The following CA10 variants were observed in gnomAD, a reference collection of about 807,000 sequenced individuals.
The protein encoded by CA10 is carbonic anhydrase 10 (inactive).
A neutral mutation model predicts 44.2 loss-of-function variants in CA10; 14 were observed. That is an observed-to-expected ratio of 0.32 (90% CI 0.21 to 0.50). The LOEUF is 0.50. Among genes scored for constraint, CA10 ranks in the 20% least tolerant of loss-of-function variants. The pLI, the probability that CA10 is intolerant of heterozygous loss-of-function variation, is 0.99. For missense variants in CA10, 350 were observed against 409.7 expected (o/e 0.85, Z 1.26); for synonymous variants, 159 against 141.6 (o/e 1.12, Z -0.87).
At chr17:52,154,380 C>T (rs1460282996) in intron 1 of CA10, among the ~76,000 whole-genome samples, 1 of 151,996 alleles carries the variant, frequency 6.6e-6, no homozygotes, top group Non-Finnish European at 1.5e-5. Context: ...TGTGAAAATA[C>T]CACATAATTC....
intron 2 of CA10, among the ~76,000 whole-genome samples, chr17:52,022,325 C>T (rs149214836): frequency 1.3e-5 from 2 of 152,146 alleles, no homozygotes; most frequent in East Asian, 3.9e-4. Flanking sequence ...AAATGTGATT[C>T]ACGACATGAA....
At chr17:51,961,521 G>A (rs567678983) in intron 2 of CA10, among the ~76,000 whole-genome samples, 4 of 152,002 alleles carry the variant, frequency 2.6e-5, no homozygotes, top group African/African-American at 9.7e-5. Flanking sequence ...GAAATCAAAA[G>A]GTGGTTTGTT....
chr17:52,116,211 C>T (rs1006438644), intron 1 of CA10, among the ~76,000 whole-genome samples: 3 of 151,986 alleles, frequency 2.0e-5, no homozygotes, highest in Non-Finnish European at 2.9e-5. Flanking sequence ...CTTCTTTTTT[C>T]ACCCTATCAG....
intron 4 of CA10, among the ~76,000 whole-genome samples, chr17:51,687,370 C>T (rs1915042741): frequency 6.6e-6 from 1 of 152,182 alleles, no homozygotes; most frequent in East Asian, 1.9e-4. Context: ...TTGTTACCTA[C>T]AAGCCCTCAC....
intron 3 of CA10, among the ~76,000 whole-genome samples, chr17:51,752,705 G>A (rs1904930395): frequency 6.6e-6 from 1 of 152,168 alleles, no homozygotes; most frequent in African/African-American, 2.4e-5. Flanking sequence ...GAGGCAGGCG[G>A]ATCACCTGAG....
At chr17:52,029,720 G>A (rs1986408216) in intron 2 of CA10, among the ~76,000 whole-genome samples, 1 of 152,120 alleles carries the variant, frequency 6.6e-6, no homozygotes, top group African/African-American at 2.4e-5. Context: ...GTCACCTTGA[G>A]CTTGACTCTC....
At chr17:51,660,763 C>T (rs910978337) in intron 4 of CA10, among the ~76,000 whole-genome samples, 9 of 152,282 alleles carry the variant, frequency 5.9e-5, no homozygotes, top group African/African-American at 2.2e-4. Context: ...TCAGTGGCTT[C>T]CCCTTGCCTG....
intron 2 of CA10, among the ~76,000 whole-genome samples, chr17:52,059,177 T>C (rs1273920225): frequency 1.3e-5 from 2 of 152,250 alleles, no homozygotes; most frequent in Admixed American, 6.5e-5. Flanking sequence ...AACACTGATA[T>C]TGAGAACATA....
intron 3 of CA10, among the ~76,000 whole-genome samples, chr17:51,809,931 A>G (rs1907289270): frequency 6.6e-6 from 1 of 152,228 alleles, no homozygotes. Context: ...TTCATTAAAC[A>G]TCTATATTTG....
intron 3 of CA10, among the ~76,000 whole-genome samples, chr17:51,838,960 G>A (rs1459066487): frequency 2.0e-5 from 3 of 152,066 alleles, no homozygotes; most frequent in Non-Finnish European, 4.4e-5. Context: ...ACAAAATCGT[G>A]TGCTTACCAC....
At chr17:51,932,062 G>T (rs1982685723) in intron 2 of CA10, among the ~76,000 whole-genome samples, 1 of 152,038 alleles carries the variant, frequency 6.6e-6, no homozygotes. Flanking sequence ...CATAGTACAT[G>T]CAGTGAACTC....
At chr17:51,964,900 A>G (rs998383277) in intron 2 of CA10, among the ~76,000 whole-genome samples, 4 of 151,878 alleles carry the variant, frequency 2.6e-5, no homozygotes, top group Non-Finnish European at 5.9e-5. Flanking sequence ...AAATAACTAA[A>G]ACAAGACCAG....
intron 3 of CA10, among the ~76,000 whole-genome samples, chr17:51,929,462 C>T (rs965474747): frequency 2.0e-5 from 3 of 152,134 alleles, no homozygotes; most frequent in Non-Finnish European, 2.9e-5. Context: ...AGCCTCTCTT[C>T]GCTCCCTGTG....
At chr17:51,783,132 A>G (rs1906124756) in intron 3 of CA10, among the ~76,000 whole-genome samples, 10 of 152,136 alleles carry the variant, frequency 6.6e-5, no homozygotes, top group Admixed American at 6.5e-4. Context: ...GAGTTGTTTT[A>G]CTGGCTGAAG....
intron 3 of CA10, among the ~76,000 whole-genome samples, chr17:51,904,830 A>G (rs117233982): frequency 1.3e-5 from 2 of 152,044 alleles, no homozygotes; most frequent in East Asian, 3.9e-4. Flanking sequence ...TACAAACCCT[A>G]TGGAATTGGG....
At chr17:52,095,705 GAATTC>G (rs1190207385) in intron 1 of CA10, among the ~76,000 whole-genome samples, 4 of 152,032 alleles carry the variant, frequency 2.6e-5, no homozygotes, top group Admixed American at 1.3e-4. Flanking sequence ...AAGCACACAC[GAATTC>G]AATACTAAAT....
At chr17:51,832,328 G>C (rs576902822) in intron 3 of CA10, among the ~76,000 whole-genome samples, 32 of 152,330 alleles carry the variant, frequency 2.1e-4, no homozygotes, top group African/African-American at 6.7e-4. Flanking sequence ...AGTCCTTCTA[G>C]GGAGGGTGAC....
chr17:52,129,963 C>A (rs1284356486), intron 1 of CA10, among the ~76,000 whole-genome samples: 1 of 152,102 alleles, frequency 6.6e-6, no homozygotes, highest in African/African-American at 2.4e-5. Context: ...AGTAATAAAA[C>A]AACTCACTTT....
chr17:52,143,112 T>C (rs184222630), intron 1 of CA10, among the ~76,000 whole-genome samples: 19 of 152,316 alleles, frequency 1.2e-4, no homozygotes, highest in Admixed American at 1.0e-3. Flanking sequence ...AATAAAATAT[T>C]TGTAAATTTA....
Sources: allele counts gnomAD v4.1 joint callset (sites outside exome capture counted in the v4.1 genomes callset), GRCh38; gene constraint gnomAD v4.1.1; transcripts MANE v1.5; gene names NCBI Gene and HGNC (gene_info 2026-07-23, HGNC 2026-07-21).